STK32B: variants seen among roughly 807,000 people sequenced by gnomAD.
STK32B encodes serine/threonine kinase 32B.
A neutral mutation model predicts 52.6 loss-of-function variants in STK32B; 43 were observed. The ratio of observed to expected loss-of-function variants is 0.82; its 90% CI spans 0.64 to 1.05. The LOEUF is 1.05. STK32B is among the 50% of genes least tolerant of loss of function. The probability of loss-of-function intolerance (pLI) is 0.00; values close to 1 mark genes in which losing one functional copy is unlikely to be tolerated. For missense variants in STK32B, 621 were observed against 534.6 expected (o/e 1.16, Z -1.59); for synonymous variants, 238 against 204.3 (o/e 1.17, Z -1.41).
intron 2 of STK32B, among the ~76,000 whole-genome samples, chr4:5,156,357 G>A (rs1717844340): frequency 6.6e-6 from 1 of 152,046 alleles, no homozygotes; most frequent in South Asian, 2.1e-4. Flanking sequence ...TTTGACACAT[G>A]GTTTATATTG....
At chr4:5,026,820 C>T in the STK32B span, among the ~76,000 whole-genome samples, 122 of 152,300 alleles carry the variant, frequency 8.0e-4, no homozygotes, top group East Asian at 2.1e-3. Flanking sequence ...TCTCAAATGT[C>T]CTCTGTTGCC....
intron 3 of STK32B, among the ~76,000 whole-genome samples, chr4:5,218,254 T>A (rs1214232813): frequency 6.6e-6 from 1 of 152,194 alleles, no homozygotes; most frequent in African/African-American, 2.4e-5. Flanking sequence ...CTTGCGGCCA[T>A]CTTTCATCCA....
intron 4 of STK32B, among the ~76,000 whole-genome samples, chr4:5,364,780 A>G (rs1017921253): frequency 2.0e-5 from 3 of 152,154 alleles, no homozygotes; most frequent in East Asian, 1.9e-4. Flanking sequence ...CAACCCACAC[A>G]TATACCTTCA....
intron 4 of STK32B, among the ~76,000 whole-genome samples, chr4:5,360,029 C>T (rs1377568540): frequency 1.3e-5 from 2 of 152,158 alleles, no homozygotes; most frequent in African/African-American, 2.4e-5. Context: ...AGATGGACTA[C>T]AGGCAGGAGG....
chr4:5,059,722 A>G (rs1742147260), intron 1 of STK32B, among the ~76,000 whole-genome samples: 1 of 152,262 alleles, frequency 6.6e-6, no homozygotes, highest in South Asian at 2.1e-4. Context: ...AAATTTAAAT[A>G]TCAGAATAGA....
At chr4:5,081,913 G>A (rs558504105) in intron 1 of STK32B, among the ~76,000 whole-genome samples, 1 of 152,158 alleles carries the variant, frequency 6.6e-6, no homozygotes, top group Non-Finnish European at 1.5e-5. Context: ...GAAAATTATT[G>A]TGCTTCTTTG....
At chr4:5,253,308 T>A (rs949231557) in intron 3 of STK32B, among the ~76,000 whole-genome samples, 2 of 152,098 alleles carry the variant, frequency 1.3e-5, no homozygotes, top group African/African-American at 4.8e-5. Context: ...CAGGTGTTGT[T>A]CTTGGGCAAA....
At chr4:5,218,486 C>T (rs1723318595) in intron 3 of STK32B, among the ~76,000 whole-genome samples, 1 of 152,166 alleles carries the variant, frequency 6.6e-6, no homozygotes, top group Non-Finnish European at 1.5e-5. Flanking sequence ...GGTAAGACTG[C>T]ACATTTCTTT....
chr4:5,101,581 A>G (rs1459375628), intron 1 of STK32B, among the ~76,000 whole-genome samples: 1 of 152,188 alleles, frequency 6.6e-6, no homozygotes, highest in African/African-American at 2.4e-5. Flanking sequence ...TTTTTCTGAT[A>G]CAATAGAAAT....
At chr4:5,163,234 C>G (rs1007254678) in intron 2 of STK32B, among the ~76,000 whole-genome samples, 8 of 152,276 alleles carry the variant, frequency 5.3e-5, no homozygotes, top group African/African-American at 1.7e-4. Context: ...GTGACACTTT[C>G]ACATGTGTGA....
chr4:5,471,217 G>A (rs1033813901), intron 11 of STK32B, among the ~76,000 whole-genome samples: 4 of 152,162 alleles, frequency 2.6e-5, no homozygotes, highest in South Asian at 2.1e-4. Flanking sequence ...AAGATATGTC[G>A]AAGCCCTAAG....
chr4:5,129,960 T>A (rs1007967645), intron 1 of STK32B, among the ~76,000 whole-genome samples: 1 of 152,094 alleles, frequency 6.6e-6, no homozygotes, highest in Non-Finnish European at 1.5e-5. Flanking sequence ...CTGAAATGAA[T>A]GAAACAGGCA....
Position 5,172,900 on chromosome 4 carries a change from G to C in STK32B, c.260+4450G>C, listed in dbSNP as rs1389178624. ...GAAGGAATGGTACCAGTTCCTCCTT[G>C]TACCTCTAGTAGAATTCGGCTGTGA... is the stretch of plus-strand genomic sequence containing the variant. On this transcript the variant is annotated intron_variant, in intron 3 of 11. Transcript: ENST00000282908. 3.3e-5 allele frequency among the ~76,000 whole-genome samples: 5 copies of C among 152,276 alleles called. No homozygotes were observed. In the South Asian group the frequency reaches 8.3e-4, roughly 25 times the overall value.
chr4:5,159,598 AATATATATATGAATATAT>A, intron 2 of STK32B, among the ~76,000 whole-genome samples: 1 of 97,802 alleles, frequency 1.0e-5, no homozygotes, highest in Non-Finnish European at 1.8e-5. Context: ...AATATATATG[AATATATATATGAATATAT>A]ATGAATATAT....
intron 1 of STK32B, among the ~76,000 whole-genome samples, chr4:5,092,973 T>C (rs1456179320): frequency 6.6e-6 from 1 of 152,086 alleles, no homozygotes; most frequent in African/African-American, 2.4e-5. Context: ...GAAAGAACAA[T>C]AAATGTGAAC....
Position 5,189,144 on chromosome 4 carries a change from C to T in STK32B, c.260+20694C>T, listed in dbSNP as rs1049324866. Among the ~76,000 whole-genome samples the T allele has an allele frequency of 4.6e-5, 7 of 152,144 alleles. No individual in the cohort carries two copies. The East Asian group carries it at 1.3e-3, about 29-fold the overall frequency. On this transcript the variant is annotated intron_variant, in intron 3 of 11. Transcript: ENST00000282908. Reference sequence around the variant, plus strand: ...GGTATAATTTTTACCTTTGATGAACCTACGGTGGCACATCACTATCACCCA... The same window carrying T: ...GGTATAATTTTTACCTTTGATGAACTTACGGTGGCACATCACTATCACCCA...
At chr4:5,443,673 C>T (rs991948663) in intron 6 of STK32B, among the ~76,000 whole-genome samples, 25 of 152,076 alleles carry the variant, frequency 1.6e-4, no homozygotes, top group African/African-American at 5.3e-4. Flanking sequence ...GGAGGAGAGG[C>T]GCTCTGCTTT....
chr4:5,363,187 A>G (rs748019585), intron 4 of STK32B, among the ~76,000 whole-genome samples: 24 of 152,264 alleles, frequency 1.6e-4, no homozygotes, highest in Non-Finnish European at 2.8e-4. Flanking sequence ...CATAGAATGC[A>G]GTCATGAAAG....
intron 2 of STK32B, among the ~76,000 whole-genome samples, chr4:5,140,934 G>T (rs1283170446): frequency 6.6e-6 from 1 of 152,136 alleles, no homozygotes; most frequent in African/African-American, 2.4e-5. Flanking sequence ...ACAGATAATT[G>T]TATACCTTTA....
Sources: gnomAD v4.1 joint callset for allele counts (sites outside exome capture counted in the v4.1 genomes callset) on GRCh38, gnomAD v4.1.1 for gene constraint, MANE v1.5 for transcripts, NCBI Gene and HGNC (gene_info 2026-07-23, HGNC 2026-07-21) for gene names.